MRPL1: variants seen among roughly 807,000 people sequenced by gnomAD.
The protein encoded by MRPL1 is large ribosomal subunit protein uL1m.
Under a neutral mutation model 38.0 loss-of-function variants are expected in MRPL1, and 28 were observed. The observed-to-expected ratio is 0.74, with a 90% CI of 0.55 to 1.01. The LOEUF (loss-of-function observed/expected upper bound fraction) is 1.01, where lower values mean the gene tolerates loss of function less well. Among genes scored for constraint, MRPL1 ranks in the 50% least tolerant of loss-of-function variants. The pLI is 0.00. For missense variants in MRPL1, 358 were observed against 389.8 expected (o/e 0.92, Z 0.69); for synonymous variants, 123 against 126.7 (o/e 0.97, Z 0.20).
intron 7 of MRPL1, among the ~76,000 whole-genome samples, chr4:77,912,764 A>G (rs1736318925): frequency 6.6e-6 from 1 of 152,168 alleles, no homozygotes; most frequent in South Asian, 2.1e-4. Context: ...TTTGAAAAAG[A>G]ACAAAGTTGG....
At chr4:77,925,350 T>C (rs1468879721) in intron 7 of MRPL1, among the ~76,000 whole-genome samples, 1 of 151,526 alleles carries the variant, frequency 6.6e-6, no homozygotes, top group African/African-American at 2.4e-5. Flanking sequence ...TTTTTTGTTT[T>C]TTGTTTTTTT....
Position 77,880,179 on chromosome 4 carries a change from A to G in MRPL1, c.144-3063A>G, listed in dbSNP as rs543583649. ...CAGTTCAGTAGGCGAGTAGTCTGACATGGATCTCACTGGGCTAAAATCAAG... is the reference window on the plus strand; with the variant it reads ...CAGTTCAGTAGGCGAGTAGTCTGACGTGGATCTCACTGGGCTAAAATCAAG... On this transcript the variant is annotated intron_variant, in intron 2 of 8. Transcript: ENST00000315567. Among the ~76,000 whole-genome samples, 3 of 152,316 alleles carry G rather than the reference A, an allele frequency of 2.0e-5. No homozygotes were observed. The East Asian group carries it at 5.8e-4, about 29-fold the overall frequency.
intron 7 of MRPL1, among the ~76,000 whole-genome samples, chr4:77,933,274 T>G (rs1260763444): frequency 6.6e-6 from 1 of 152,134 alleles, no homozygotes; most frequent in African/African-American, 2.4e-5. Context: ...AGAGGAGCTG[T>G]AGTCACAAGA....
intron 7 of MRPL1, among the ~76,000 whole-genome samples, chr4:77,912,938 C>A (rs1158293901): frequency 6.6e-6 from 1 of 152,066 alleles, no homozygotes; most frequent in East Asian, 1.9e-4. Flanking sequence ...GGCATTTTTT[C>A]TGGAGAAAGG....
At chr4:77,902,638 A>T (rs1485878585) in intron 6 of MRPL1, among the ~76,000 whole-genome samples, 8 of 151,784 alleles carry the variant, frequency 5.3e-5, no homozygotes, top group Non-Finnish European at 7.4e-5. Context: ...TTTTTTTTTT[A>T]AAAAGGGAAG....
In MRPL1 at chr4:77,952,722, T is replaced by G. The variant is rs893859030; in HGVS notation, c.*115T>G. 5.9e-6 allele frequency: 4 copies of G among 675,466 alleles called. No homozygotes were observed. The highest frequency in any genetic ancestry group is 9.8e-6 in the Non-Finnish European group (4 of 408,462). The allele number at this position is 675,466 out of a possible 1,614,324, so 41.8% of individuals were successfully genotyped here. On this transcript the variant is annotated 3_prime_UTR_variant, in exon 9 of 9. Coordinates refer to ENST00000315567, the MANE Select transcript of MRPL1 (RefSeq NM_020236.4). ...TATTGATCATACTTGAAAGTGAACT[T>G]TAACATTGAAAAATCGTACAGTCAT...
intron 7 of MRPL1, among the ~76,000 whole-genome samples, chr4:77,940,786 G>T (rs1226994099): frequency 6.6e-6 from 1 of 152,044 alleles, no homozygotes; most frequent in African/African-American, 2.4e-5. Context: ...GCTTTTTTCT[G>T]CATCTATTGA....
intron 1 of MRPL1, among the ~76,000 whole-genome samples, chr4:77,868,016 A>G (rs1735190227): frequency 6.6e-6 from 1 of 151,192 alleles, no homozygotes; most frequent in South Asian, 2.1e-4. Context: ...TCAGCCCCCC[A>G]AAGTGCTGGG....
At chr4:77,935,799 G>T (rs1736957834) in intron 7 of MRPL1, among the ~76,000 whole-genome samples, 1 of 151,992 alleles carries the variant, frequency 6.6e-6, no homozygotes, top group Non-Finnish European at 1.5e-5. Flanking sequence ...GGACATGGTG[G>T]TGCACACCTG....
chr4:77,881,259 T>A (rs950023858), intron 2 of MRPL1, among the ~76,000 whole-genome samples: 4 of 152,072 alleles, frequency 2.6e-5, no homozygotes, highest in African/African-American at 9.7e-5. Flanking sequence ...TGACCCATAC[T>A]CAAACTTCAT....
At chr4:77,902,651 A>G (rs1736062086) in intron 6 of MRPL1, among the ~76,000 whole-genome samples, 1 of 152,140 alleles carries the variant, frequency 6.6e-6, no homozygotes. Context: ...AAGGGAAGAC[A>G]GATTATTAAT....
intron 7 of MRPL1, among the ~76,000 whole-genome samples, chr4:77,911,423 A>ACTACTTGGATCTTTT (rs61674169): frequency 0.22 from 33,819 of 152,080 alleles, 4,738 homozygotes; most frequent in African/African-American, 0.39. Flanking sequence ...AGTAGATCAG[A>ACTACTTGGATCTTTT]GGAGATATAA....
In MRPL1 at chr4:77,940,055, A is replaced by AT. The variant is rs914864826; in HGVS notation, c.778-9733dup. On this transcript the variant is annotated intron_variant, in intron 7 of 8. Transcript: ENST00000315567. ...ATTCTGGTTCCATATAAATTTTAGG[A>AT]TTTTTTTTTCTAGTTCTGTGAAGAA... Among the ~76,000 whole-genome samples, 40 of 151,172 alleles carry AT rather than the reference A, an allele frequency of 2.6e-4. 1 individual carries two copies. Among genetic ancestry groups the AT allele is most frequent in the African/African-American group, 8.7e-4 (36 of 41,204 alleles).
Position 77,952,655 on chromosome 4 carries a change from G to A in MRPL1, c.*48G>A. The stretch of plus-strand genomic sequence containing the variant: ...TTTCAGTGGTTTAAGAAGCAATGGA[G>A]AAAATGATAATACAGCATAATTTTT... On this transcript the variant is annotated 3_prime_UTR_variant, in exon 9 of 9. Coordinates refer to ENST00000315567, the MANE Select transcript of MRPL1 (RefSeq NM_020236.4). 8.3e-7 allele frequency: 1 copy of A among 1,199,632 alleles called. No individual in the cohort carries two copies. The highest frequency in any genetic ancestry group is 1.2e-6 in the Non-Finnish European group (1 of 816,046). 74.3% of individuals were successfully genotyped at this position (1,199,632 alleles called of 1,614,324 possible).
Position 77,942,556 on chromosome 4 carries a change from C to T in MRPL1, c.778-7241C>T, listed in dbSNP as rs551209042. On this transcript the variant is annotated intron_variant, in intron 7 of 8. Transcript: ENST00000315567. ...AAATTTGGGAGCTCCAGTGTTAATG[C>T]ATATATATTTAGGATTGTGATATTT... 3.3e-5 allele frequency among the ~76,000 whole-genome samples: 5 copies of T among 152,194 alleles called. No individual in the cohort carries two copies. In the East Asian group the frequency reaches 9.7e-4, roughly 29 times the overall value.
At chr4:77,924,294 T>C (rs1736658854) in intron 7 of MRPL1, among the ~76,000 whole-genome samples, 1 of 152,204 alleles carries the variant, frequency 6.6e-6, no homozygotes, top group Non-Finnish European at 1.5e-5. Flanking sequence ...AAGCTTCCCA[T>C]CTTTTTCTGT....
At chr4:77,863,040 C>T (rs540438568) in intron 1 of MRPL1, 161 bp downstream of exon 1, 2 of 824,158 alleles carry the variant, frequency 2.4e-6, no homozygotes, top group Admixed American at 2.7e-5. Flanking sequence ...TAAAAGTGAC[C>T]TTATGAAGGG....
chr4:77,882,698 T>A lies in MRPL1; in HGVS notation c.144-544T>A, dbSNP rs111370786. On this transcript the variant is annotated intron_variant, in intron 2 of 8. Transcript: ENST00000315567. ...AATTGTTGATTAATATTCCATTATA[T>A]GGACATACCACATTTTATGTATCCA... Among the ~76,000 whole-genome samples the A allele has an allele frequency of 2.9e-3, 443 of 152,370 alleles. 3 individuals are homozygous for A. The highest frequency in any genetic ancestry group is 0.014 in the Middle Eastern group (4 of 294).
intron 4 of MRPL1, among the ~76,000 whole-genome samples, chr4:77,886,696 G>A (rs1735683636): frequency 6.6e-6 from 1 of 151,706 alleles, no homozygotes; most frequent in Admixed American, 6.6e-5. Flanking sequence ...GCCCAGGCTG[G>A]TCTAGAACTC....
Sources: allele counts gnomAD v4.1 joint callset (sites outside exome capture counted in the v4.1 genomes callset), GRCh38; gene constraint gnomAD v4.1.1; transcripts MANE v1.5; gene names NCBI Gene and HGNC (gene_info 2026-07-23, HGNC 2026-07-21).